The following AUTS2 variants were observed in gnomAD, a reference collection of about 807,000 sequenced individuals.
The protein encoded by AUTS2 is autism susceptibility gene 2 protein.
A neutral mutation model predicts 112.4 loss-of-function variants in AUTS2; 17 were observed. That is an observed-to-expected ratio of 0.15 (90% CI 0.10 to 0.23). The LOEUF is 0.23. AUTS2 is among the 10% of genes least tolerant of loss of function. The probability of loss-of-function intolerance (pLI) is 1.00; values close to 1 mark genes in which losing one functional copy is unlikely to be tolerated. For missense variants in AUTS2, 1,510 were observed against 1,701.6 expected, an observed-to-expected ratio of 0.89 and a Z score of 1.98; for synonymous variants, 751 against 702.7, an observed-to-expected ratio of 1.07 and a Z score of -1.09.
At chr7:70,371,194 A>G (rs1459937420) in intron 4 of AUTS2, among the ~76,000 whole-genome samples, 1 of 152,152 alleles carries the variant, frequency 6.6e-6, no homozygotes, top group Non-Finnish European at 1.5e-5. Flanking sequence ...ATAATTTTAA[A>G]TATACCAGCG....
intron 4 of AUTS2, among the ~76,000 whole-genome samples, chr7:70,299,648 C>A (rs1789112467): frequency 6.6e-6 from 1 of 152,166 alleles, no homozygotes; most frequent in Non-Finnish European, 1.5e-5. Flanking sequence ...ACCTTGCAGC[C>A]CGTGCTTCCC....
chr7:69,834,908 A>G (rs763192682), intron 1 of AUTS2, among the ~76,000 whole-genome samples: 14 of 151,942 alleles, frequency 9.2e-5, no homozygotes, highest in Non-Finnish European at 1.9e-4. Context: ...TCGTCTTATA[A>G]ATTATGTTCA....
At chr7:70,784,253 T>C (rs1175381334) in intron 15 of AUTS2, 2 of 152,268 alleles carry the variant, frequency 1.3e-5, no homozygotes, top group East Asian at 1.9e-4. Flanking sequence ...TCGGGTCTTA[T>C]AGTATCCTTC....
chr7:70,179,480 A>C (rs752262739), intron 4 of AUTS2, among the ~76,000 whole-genome samples: 8 of 152,176 alleles, frequency 5.3e-5, no homozygotes, highest in Non-Finnish European at 1.0e-4. Flanking sequence ...CTAACTTGGC[A>C]GACTGGAGAG....
At chr7:70,730,308 A>G (rs1267080013) in intron 6 of AUTS2, among the ~76,000 whole-genome samples, 4 of 151,944 alleles carry the variant, frequency 2.6e-5, no homozygotes, top group African/African-American at 9.7e-5. Context: ...GGTACATTTC[A>G]TTGACTTTTA....
chr7:69,753,683 G>A (rs1022128118), intron 1 of AUTS2, among the ~76,000 whole-genome samples: 1 of 152,232 alleles, frequency 6.6e-6, no homozygotes, highest in Admixed American at 6.5e-5. Context: ...GTTGACAACA[G>A]TGCTTATCCA....
rs199945820 is a variant in AUTS2, at chr7:69,599,841, C to G, written c.188C>G (p.Pro63Arg). Residue 63 changes from proline (P) to arginine (R), a missense_variant, in exon 1 of 19, where the codon CCG becomes CGG. Physicochemically the swap from Pro to Arg is moderately radical, Grantham distance 103 (BLOSUM62 -2). This residue lies in a region of AUTS2 where 535 missense variants were observed against 594.3 expected (regional missense o/e 0.90). Transcript: ENST00000342771. This position sits in a 1 kb window ranked among gnomAD's most constrained non-coding sequence, Gnocchi z 7.0. ...GACAAGGAAGACAATGGGAAGCCCC[C>G]GTCCTCCGCCCCGTCCCGGCCCAGA... is the stretch of plus-strand genomic sequence containing the variant. Reference protein sequence around the residue: ...GSDKEDNGKPPSSAPSRPRPP... With the variant: ...GSDKEDNGKPRSSAPSRPRPP... 15 of 1,612,054 alleles carry G rather than the reference C, an allele frequency of 9.3e-6. No individual in the cohort carries two copies. The highest frequency in any genetic ancestry group is 3.3e-5 in the South Asian group (3 of 91,034).
rs150551543 is a variant in AUTS2, at chr7:70,101,937, T to C, written c.523-16195T>C. Among the ~76,000 whole-genome samples the C allele has an allele frequency of 4.6e-3, 708 of 152,274 alleles. 5 individuals are homozygous for C. The highest frequency in any genetic ancestry group is 7.2e-3 in the Non-Finnish European group (492 of 68,024). On this transcript the variant is annotated intron_variant, in intron 2 of 18. Coordinates refer to ENST00000342771, the MANE Select transcript of AUTS2 (RefSeq NM_015570.4). ...TATTGCTGTAAGTACTGGACAGATA[T>C]CATAAGTAAAATATGTCCACCTGGT...
At chr7:69,705,190 C>T (rs1798010529) in intron 1 of AUTS2, among the ~76,000 whole-genome samples, 2 of 152,198 alleles carry the variant, frequency 1.3e-5, no homozygotes, top group South Asian at 4.1e-4. Flanking sequence ...TATGCCTAGA[C>T]TGTCTCCTAC....
intron 5 of AUTS2, among the ~76,000 whole-genome samples, chr7:70,634,639 G>A (rs991925558): frequency 6.6e-6 from 1 of 152,100 alleles, no homozygotes; most frequent in African/African-American, 2.4e-5. Flanking sequence ...CGATAACCAC[G>A]ATGAGGAGAA....
chr7:70,341,294 A>G (rs1485133032), intron 4 of AUTS2, among the ~76,000 whole-genome samples: 5 of 152,240 alleles, frequency 3.3e-5, no homozygotes, highest in African/African-American at 1.2e-4. Context: ...GCAGCATAAA[A>G]GGCACAAAGG....
intron 4 of AUTS2, among the ~76,000 whole-genome samples, chr7:70,269,003 G>A (rs960007804): frequency 2.0e-5 from 3 of 152,048 alleles, no homozygotes; most frequent in South Asian, 2.1e-4. Flanking sequence ...AACCTTAATC[G>A]TCTCCTCTCA....
At chr7:69,673,129 C>T (rs1796412530) in intron 1 of AUTS2, among the ~76,000 whole-genome samples, 1 of 152,128 alleles carries the variant, frequency 6.6e-6, no homozygotes, top group African/African-American at 2.4e-5. Flanking sequence ...CCTGTTGTTA[C>T]TAGCCCTAGA....
intron 1 of AUTS2, among the ~76,000 whole-genome samples, chr7:69,616,352 A>G (rs1201783959): frequency 1.3e-5 from 2 of 152,184 alleles, no homozygotes; most frequent in Middle Eastern, 3.2e-3. Context: ...CTATCTCCAC[A>G]TGGGTCTCAA....
chr7:69,813,309 C>A (rs951777530), intron 1 of AUTS2, among the ~76,000 whole-genome samples: 1 of 152,160 alleles, frequency 6.6e-6, no homozygotes, highest in African/African-American at 2.4e-5. Context: ...TCCTGTCCAC[C>A]TGTATTTCTA....
In AUTS2 at chr7:70,499,109, G is replaced by A. The variant is rs529168460; in HGVS notation, c.690+63328G>A. ...AGGTGGCCACCATCTCAGCAAATGC[G>A]AGTAAGACGGGTCCCTGCTCTCGGG... is the stretch of plus-strand genomic sequence containing the variant. On this transcript the variant is annotated intron_variant, in intron 5 of 18. Coordinates refer to ENST00000342771, the MANE Select transcript of AUTS2 (RefSeq NM_015570.4). Among the ~76,000 whole-genome samples, 327 of 152,312 alleles carry A rather than the reference G, an allele frequency of 2.1e-3. 1 individual carries two copies. The highest frequency in any genetic ancestry group is 3.4e-3 in the Non-Finnish European group (228 of 68,020).
At chr7:70,770,489 T>G (rs1228107511) in intron 10 of AUTS2, among the ~76,000 whole-genome samples, 1 of 152,252 alleles carries the variant, frequency 6.6e-6, no homozygotes, top group Non-Finnish European at 1.5e-5. Flanking sequence ...TTTAAAATAT[T>G]TGTATGGTGG....
intron 5 of AUTS2, among the ~76,000 whole-genome samples, chr7:70,554,172 G>T (rs62455793): frequency 0.023 from 3,508 of 149,376 alleles, 120 homozygotes; most frequent in Admixed American, 0.1. Flanking sequence ...GGGTTCAAGT[G>T]ATTCTCCTGC....
rs770941644 is a variant in AUTS2, at chr7:70,789,867, C to G, written c.2651C>G (p.Ala884Gly). The G allele has an allele frequency of 3.7e-6, 6 of 1,614,042 alleles. No individual in the cohort carries two copies. The African/African-American group carries it at 5.3e-5, about 14-fold the overall frequency. Reference sequence around the variant, plus strand: ...ATCCGGGCTCATCTGAACACTGAGGCTCGGGAGAAGGACAAACCCAAAGAG... The same window carrying G: ...ATCCGGGCTCATCTGAACACTGAGGGTCGGGAGAAGGACAAACCCAAAGAG... ...EQIRAHLNTE[A>G]REKDKPKERE... The change falls in exon 19 of 19, where the codon GCT (alanine) becomes GGT (glycine). Residue 884 changes from alanine to glycine, a missense_variant. By Grantham distance (60) the Ala-to-Gly change is moderately conservative. Around this residue, in one of 3 missense-constraint regions of AUTS2, gnomAD observed 788 missense variants for 797.6 expected, o/e 0.99. Transcript: ENST00000342771.
Sources: allele counts gnomAD v4.1 joint callset (sites outside exome capture counted in the v4.1 genomes callset), GRCh38; gene constraint gnomAD v4.1.1; regional missense constraint gnomAD v4.1.1; non-coding constraint Gnocchi (gnomAD v3.1); transcripts MANE v1.5; gene names NCBI Gene and HGNC (gene_info 2026-07-23, HGNC 2026-07-21).